Variants in CPVL observed in about 807,000 individuals in gnomAD.
CPVL encodes probable serine carboxypeptidase CPVL.
In CPVL, 51 loss-of-function variants were observed where a neutral mutation model predicts 63.7. That is an observed-to-expected ratio of 0.80 (90% CI 0.64 to 1.01). CPVL has a LOEUF of 1.01. Ranked by LOEUF, CPVL falls within the 50% of genes least tolerant of loss-of-function variation. CPVL has a pLI of 0.00. For synonymous variants in CPVL, 195 were observed against 206.0 expected (o/e 0.95, Z 0.46); for missense variants, 530 against 573.1 (o/e 0.92, Z 0.77).
At chr7:29,020,166 A>C (rs933470305) in intron 12 of CPVL, among the ~76,000 whole-genome samples, 5 of 152,206 alleles carry the variant, frequency 3.3e-5, no homozygotes, top group African/African-American at 1.2e-4. Flanking sequence ...GTGGGATGCC[A>C]GGCCTGGGAG....
At chr7:29,103,411 A>ATTTTTTTTTTTTTT (rs551627609) in intron 3 of CPVL, among the ~76,000 whole-genome samples, 18 of 134,792 alleles carry the variant, frequency 1.3e-4, no homozygotes, top group East Asian at 2.2e-4. Flanking sequence ...ATGCTCAGCT[A>ATTTTTTTTTTTTTT]TTTTTTTTTT....
chr7:29,035,640 G>A (rs1562734145), intron 11 of CPVL, among the ~76,000 whole-genome samples: 2 of 152,138 alleles, frequency 1.3e-5, no homozygotes, highest in African/African-American at 2.4e-5. Flanking sequence ...TCCCGAGTGC[G>A]TGCTACATCC....
chr7:29,072,088 C>G (rs982103531), intron 8 of CPVL, among the ~76,000 whole-genome samples, 184 bp from the exon 9 acceptor site: 2 of 152,150 alleles, frequency 1.3e-5, no homozygotes, highest in African/African-American at 4.8e-5. Context: ...CAACACAATA[C>G]AAACACACAC....
intron 11 of CPVL, among the ~76,000 whole-genome samples, chr7:29,038,096 AGCATGCAGAT>A: frequency 6.6e-6 from 1 of 152,196 alleles, no homozygotes; most frequent in Non-Finnish European, 1.5e-5. Flanking sequence ...GCTTGCATTC[AGCATGCAGAT>A]GTATTTGGTT....
intron 5 of CPVL, among the ~76,000 whole-genome samples, chr7:29,157,375 G>C (rs1182468013): frequency 6.6e-6 from 1 of 151,778 alleles, no homozygotes; most frequent in Non-Finnish European, 1.5e-5. Context: ...TACATAGCTT[G>C]CAGTAAACTG....
intron 6 of CPVL, among the ~76,000 whole-genome samples, chr7:29,089,937 A>C (rs914924923): frequency 6.7e-6 from 1 of 149,376 alleles, no homozygotes; most frequent in African/African-American, 2.5e-5. Flanking sequence ...ATCTCGGCTC[A>C]CCACAACCTC....
At chr7:29,048,909 C>CGTG (rs1789882528) in intron 11 of CPVL, among the ~76,000 whole-genome samples, 1 of 28,124 alleles carries the variant, frequency 3.6e-5, no homozygotes, top group African/African-American at 4.6e-4. Flanking sequence ...AATTAAATAA[C>CGTG]CTGATCATTG....
At chr7:29,080,725 C>A (rs11771506) in intron 7 of CPVL, among the ~76,000 whole-genome samples, 40,783 of 151,792 alleles carry the variant, frequency 0.27, 6,285 homozygotes, top group East Asian at 0.6. Flanking sequence ...TGGGAGCTTG[C>A]CACCTAACCC....
intron 12 of CPVL, among the ~76,000 whole-genome samples, chr7:29,024,442 C>A (rs1787297631): frequency 6.6e-6 from 1 of 152,090 alleles, no homozygotes. Flanking sequence ...GACATTATAG[C>A]CCCAAACTTC....
At chr7:29,091,481 T>G (rs538942286) in intron 6 of CPVL, among the ~76,000 whole-genome samples, 17 of 152,172 alleles carry the variant, frequency 1.1e-4, no homozygotes, top group African/African-American at 4.1e-4. Flanking sequence ...GCCCTGGCTC[T>G]GAAGAAGCCT....
At chr7:29,042,966 C>T (rs1213360691) in intron 11 of CPVL, among the ~76,000 whole-genome samples, 2 of 152,200 alleles carry the variant, frequency 1.3e-5, no homozygotes. Context: ...GCATTCTCTC[C>T]TCCCATAACA....
intron 3 of CPVL, among the ~76,000 whole-genome samples, chr7:29,105,388 G>A (rs323196): frequency 0.024 from 3,587 of 152,284 alleles, 150 homozygotes; most frequent in African/African-American, 0.083. Flanking sequence ...ATACTTGGCC[G>A]AGTGCCTGGA....
chr7:29,147,044 T>C, upstream of CPVL: 2 of 1,526,184 alleles, frequency 1.3e-6, no homozygotes, highest in East Asian at 2.5e-5. Context: ...TGATGTGTTC[T>C]GTACCATTAT....
At chr7:29,020,346 A>G (rs1786837551) in intron 12 of CPVL, among the ~76,000 whole-genome samples, 2 of 152,218 alleles carry the variant, frequency 1.3e-5, no homozygotes, top group African/African-American at 4.8e-5. Flanking sequence ...ACATTCAAAT[A>G]TGCCCTTAAT....
At chr7:29,138,306 G>A (rs1443076872) in intron 1 of CPVL, among the ~76,000 whole-genome samples, 1 of 152,188 alleles carries the variant, frequency 6.6e-6, no homozygotes, top group East Asian at 1.9e-4. Context: ...CAGGCTTGGT[G>A]GTATGTGCCT....
chr7:29,128,196 T>G (rs948934635), intron 1 of CPVL: 4 of 151,704 alleles, frequency 2.6e-5, no homozygotes, highest in East Asian at 3.9e-4. Context: ...TTTTTTTTTT[T>G]TTTTTTTTAA....
rs577924530 is a variant in CPVL at position 29,155,592 on chromosome 7, T to G, written c.-11+25698A>C. Among the ~76,000 whole-genome samples, 27 of 152,344 alleles carry G rather than the reference T, an allele frequency of 1.8e-4. No individual in the cohort carries two copies. In the East Asian group the frequency reaches 5.2e-3, roughly 29 times the overall value. Reference sequence around the variant, plus strand: ...GCATAGGTCTCTCTGACACCAAAACTGCCATTTTTCTCACCTCTTTGTCTA... The same window carrying G: ...GCATAGGTCTCTCTGACACCAAAACGGCCATTTTTCTCACCTCTTTGTCTA... On this transcript the variant is annotated intron_variant, in intron 5 of 16. Coordinates refer to the CPVL transcript ENST00000409850.
intron 2 of CPVL, among the ~76,000 whole-genome samples, chr7:29,114,356 G>A (rs941524735): frequency 8.5e-5 from 13 of 152,166 alleles, no homozygotes; most frequent in African/African-American, 2.9e-4. Flanking sequence ...CCAGCTAGTA[G>A]AGGAGAGCTG....
In CPVL at chr7:29,165,461, T is replaced by G. The variant is rs564219056; in HGVS notation, c.-11+15829A>C. On this transcript the variant is annotated intron_variant, in intron 5 of 16. Transcript: ENST00000409850. ...TAGATTTTTTTTAAATCACCTATACTGGTTCAAAGAATTTTCCACAGTCAT... is the reference window on the plus strand; with the variant it reads ...TAGATTTTTTTTAAATCACCTATACGGGTTCAAAGAATTTTCCACAGTCAT... 2.4e-3 allele frequency among the ~76,000 whole-genome samples: 370 copies of G among 152,318 alleles called. 1 individual carries two copies. Among genetic ancestry groups the G allele is most frequent in the Middle Eastern group, 3.4e-3 (1 of 294 alleles).
Sources: gnomAD v4.1 joint callset for allele counts (sites outside exome capture counted in the v4.1 genomes callset) on GRCh38, gnomAD v4.1.1 for gene constraint, MANE v1.5 for transcripts, NCBI Gene and HGNC (gene_info 2026-07-23, HGNC 2026-07-21) for gene names.